Variants in CAMSAP1 observed in about 807,000 individuals in gnomAD.
CAMSAP1 encodes the protein calmodulin-regulated spectrin-associated protein 1.
CAMSAP1 carries 58 observed loss-of-function variants against 143.5 expected under a neutral mutation model. The ratio of observed to expected loss-of-function variants is 0.40; its 90% CI spans 0.33 to 0.50. The LOEUF (loss-of-function observed/expected upper bound fraction) is 0.50, where lower values mean the gene tolerates loss of function less well. Among genes scored for constraint, CAMSAP1 ranks in the 20% least tolerant of loss-of-function variants. The probability of loss-of-function intolerance (pLI) is 0.45; values close to 1 mark genes in which losing one functional copy is unlikely to be tolerated. For missense variants in CAMSAP1, 1,969 were observed against 2,115.7 expected (o/e 0.93, Z 1.36); for synonymous variants, 945 against 859.3 (o/e 1.10, Z -1.74).
chr9:135,831,450 A>G (rs892758724), intron 7 of CAMSAP1, among the ~76,000 whole-genome samples: 4 of 151,910 alleles, frequency 2.6e-5, no homozygotes, highest in African/African-American at 9.7e-5. Flanking sequence ...TCTGGCCAAC[A>G]TAGCGAGACC....
At chr9:135,841,647 G>A (rs1836357859) in intron 7 of CAMSAP1, among the ~76,000 whole-genome samples, 2 of 152,258 alleles carry the variant, frequency 1.3e-5, no homozygotes, top group Admixed American at 1.3e-4. Context: ...AGCTTCCAGA[G>A]GAAGGAACAG....
chr9:135,905,794 C>A (rs1838759125), intron 1 of CAMSAP1, among the ~76,000 whole-genome samples: 1 of 152,210 alleles, frequency 6.6e-6, no homozygotes, highest in Non-Finnish European at 1.5e-5. Context: ...ACGCAGCCGG[C>A]AGTGACTGCA....
At chr9:135,906,665 C>T (rs1838787217) in intron 1 of CAMSAP1, among the ~76,000 whole-genome samples, 1 of 152,190 alleles carries the variant, frequency 6.6e-6, no homozygotes, top group South Asian at 2.1e-4. Flanking sequence ...GGCCCCGCGT[C>T]CCCATGGTCC....
chr9:135,839,510 C>G (rs1012790572), intron 7 of CAMSAP1, among the ~76,000 whole-genome samples: 1 of 152,148 alleles, frequency 6.6e-6, no homozygotes, highest in African/African-American at 2.4e-5. Flanking sequence ...GAGTCTCTGG[C>G]AAGTCAGCTG....
chr9:135,881,483 T>C (rs1041219085), intron 3 of CAMSAP1, 150 bp downstream of exon 3: 1 of 880,542 alleles, frequency 1.1e-6, no homozygotes, highest in Non-Finnish European at 1.7e-6. Context: ...TCTTTTTAAC[T>C]ACAGCAGACA....
chr9:135,874,478 A>AAGG (rs534724683), intron 3 of CAMSAP1, among the ~76,000 whole-genome samples: 27 of 98,244 alleles, frequency 2.7e-4, no homozygotes, highest in African/African-American at 1.1e-3. Context: ...GTCTCAAAAA[A>AAGG]GGGGGGGGGG....
intron 7 of CAMSAP1, among the ~76,000 whole-genome samples, chr9:135,841,170 C>T (rs886672443): frequency 1.1e-4 from 16 of 152,166 alleles, no homozygotes; most frequent in African/African-American, 3.4e-4. Flanking sequence ...GGAGGAGGGA[C>T]GTCCACCATT....
rs1008286516 is a variant in CAMSAP1, at chr9:135,885,274, T to C, written c.161-2196A>G. Among the ~76,000 whole-genome samples, 3 of 152,136 alleles carry C rather than the reference T, an allele frequency of 2.0e-5. No homozygotes were observed. In the South Asian group the frequency reaches 6.2e-4, roughly 31 times the overall value. On this transcript the variant is annotated intron_variant, in intron 1 of 16. Coordinates refer to ENST00000389532, the MANE Select transcript of CAMSAP1 (RefSeq NM_015447.4). ...ACACACAGTCATCCCCAAATGTACA[T>C]TTCTGGCCCTGATCACTTCCCTGAA...
In CAMSAP1 at chr9:135,850,330, C is replaced by T. The variant is rs1321716313; in HGVS notation, c.940G>A (p.Val314Met). 5 of 1,610,364 alleles carry T rather than the reference C, an allele frequency of 3.1e-6. No homozygotes were observed. In the Admixed American group the frequency reaches 6.7e-5, roughly 22 times the overall value. ...TLEDMLYAPL[V>M]LKPNVMVFIA... The stretch of plus-strand genomic sequence containing the variant: ...AAATAATTCGTTATTACCTTCAACA[C>T]TAATGGCGCATACAGCATATCTTCC... The change falls in exon 6 of 17, where the codon GTG becomes ATG. Residue 314 changes from valine to methionine, a missense_variant. Coordinates refer to ENST00000389532, the MANE Select transcript of CAMSAP1 (RefSeq NM_015447.4).
At chr9:135,816,099 G>A in intron 14 of CAMSAP1, 94 bp from the exon 15 acceptor site, 2 of 1,135,438 alleles carry the variant, frequency 1.8e-6, no homozygotes, top group Admixed American at 1.8e-5. Flanking sequence ...AGGACAGGAA[G>A]CACATCAGCA....
At chr9:135,816,786 G>C (rs774616493) in intron 14 of CAMSAP1, among the ~76,000 whole-genome samples, 1 of 152,148 alleles carries the variant, frequency 6.6e-6, no homozygotes, top group Non-Finnish European at 1.5e-5. Flanking sequence ...ACATGGGCAA[G>C]GGAAGCCCTT....
rs574244407 is a variant in CAMSAP1, at chr9:135,810,007, T to C, written c.*1302A>G. 2.0e-5 allele frequency: 3 copies of C among 152,760 alleles called. No individual in the cohort carries two copies. Among genetic ancestry groups the C allele is most frequent in the African/African-American group, 7.2e-5 (3 of 41,568 alleles). The allele number at this position is 152,760 out of a possible 1,614,324, so 9.5% of individuals were successfully genotyped here. On this transcript the variant is annotated 3_prime_UTR_variant, in exon 17 of 17. Transcript: ENST00000389532. Reference sequence around the variant, plus strand: ...GATTTTTTCTGCAGTTTGAGATAGATTCAAGTAACACTCCCAAGAAAATAT... The same window carrying C: ...GATTTTTTCTGCAGTTTGAGATAGACTCAAGTAACACTCCCAAGAAAATAT...
rs147881781 is a variant in CAMSAP1 at position 135,815,996 on chromosome 9, C to T, written c.4281G>A (p.Ser1427=). ...GGCTCAGTATGGGCAGGGCTTCCATCGATTCCACTCTGCAGGCAGAAACAG... is the reference window on the plus strand; with the variant it reads ...GGCTCAGTATGGGCAGGGCTTCCATTGATTCCACTCTGCAGGCAGAAACAG... ...SGGTPSQRVE[S]MEALPILSRN... is the part of the protein sequence containing the mutation. Residue 1427 remains serine, a synonymous_variant, in exon 15 of 17, where the codon TCG becomes TCA. Transcript: ENST00000389532. 276 of 1,613,396 alleles carry T rather than the reference C, an allele frequency of 1.7e-4. 1 individual carries two copies. The highest frequency in any genetic ancestry group is 4.5e-4 in the Admixed American group (27 of 60,008).
At chr9:135,854,653 T>C (rs898048889) in intron 5 of CAMSAP1, among the ~76,000 whole-genome samples, 5 of 152,036 alleles carry the variant, frequency 3.3e-5, no homozygotes, top group African/African-American at 4.8e-5. Context: ...GGGGTCTCAT[T>C]AGGTTGCCCA....
In CAMSAP1 at chr9:135,811,670, G is replaced by C. The variant is rs558980966; in HGVS notation, c.4507-59C>G. 1.3e-6 allele frequency: 2 copies of C among 1,501,718 alleles called. No homozygotes were observed. Among genetic ancestry groups the C allele is most frequent in the East Asian group, 2.5e-5 (1 of 40,540 alleles). The allele number at this position is 1,501,718 out of a possible 1,614,324, so 93.0% of individuals were successfully genotyped here. On this transcript the variant is annotated intron_variant, in intron 16 of 16. Coordinates refer to ENST00000389532, the MANE Select transcript of CAMSAP1 (RefSeq NM_015447.4). The surrounding 1 kb of genome is among the most constrained non-coding windows in gnomAD (Gnocchi z 4.9). ...ACTTCAGGGCCACTCCAATTGCCACGAGTTGGGCTCCCACAGCGGCTCAAC... is the reference window on the plus strand; with the variant it reads ...ACTTCAGGGCCACTCCAATTGCCACCAGTTGGGCTCCCACAGCGGCTCAAC...
chr9:135,861,323 T>TC (rs1393109075), intron 5 of CAMSAP1, among the ~76,000 whole-genome samples: 7 of 150,940 alleles, frequency 4.6e-5, no homozygotes, highest in South Asian at 2.1e-4. Context: ...TTTTTTTTTT[T>TC]TCCCCCCGAG....
In CAMSAP1 at chr9:135,824,814, T is replaced by C; in HGVS notation, c.1290A>G (p.Lys430=). Residue 430 remains lysine (K), a synonymous_variant, in exon 9 of 17, where the codon AAA becomes AAG. Coordinates refer to ENST00000389532, the MANE Select transcript of CAMSAP1 (RefSeq NM_015447.4). This position sits in a 1 kb window ranked among gnomAD's most constrained non-coding sequence, Gnocchi z 4.1. ...CAGGGATGTCCTCTCCCTGTATGGA[T>C]TTCTGCTGTTTCTGTCTCAGTGGCA... ...PLLPLRQKQQ[K]SIQGEDIPDQ... is the part of the protein sequence containing the mutation. The C allele has an allele frequency of 1.2e-6, 2 of 1,601,628 alleles. No individual in the cohort carries two copies. The highest frequency in any genetic ancestry group is 1.7e-6 in the Non-Finnish European group (2 of 1,174,086).
chr9:135,851,206 C>T (rs989668216), intron 5 of CAMSAP1, among the ~76,000 whole-genome samples: 3 of 152,162 alleles, frequency 2.0e-5, no homozygotes, highest in African/African-American at 7.2e-5. Context: ...TGAGAAGTGA[C>T]TTGACTTTAT....
intron 1 of CAMSAP1, among the ~76,000 whole-genome samples, chr9:135,895,838 A>G (rs1046767366): frequency 6.6e-6 from 1 of 152,216 alleles, no homozygotes; most frequent in South Asian, 2.1e-4. Flanking sequence ...TGTAAGTCAC[A>G]TAAGTATACC....
Sources: allele counts gnomAD v4.1 joint callset (sites outside exome capture counted in the v4.1 genomes callset), GRCh38; gene constraint gnomAD v4.1.1; non-coding constraint Gnocchi (gnomAD v3.1); transcripts MANE v1.5; gene names NCBI Gene and HGNC (gene_info 2026-07-23, HGNC 2026-07-21).